The following ICA1L variants were observed in gnomAD, a reference collection of about 807,000 sequenced individuals.
ICA1L encodes islet cell autoantigen 1-like protein.
A neutral mutation model predicts 61.3 loss-of-function variants in ICA1L; 50 were observed. That is an observed-to-expected ratio of 0.82 (90% CI 0.65 to 1.03). ICA1L has a LOEUF of 1.03. ICA1L is among the 50% of genes least tolerant of loss of function. ICA1L has a pLI of 0.00. For synonymous variants in ICA1L, 161 were observed against 191.3 expected (o/e 0.84, Z 1.31); for missense variants, 508 against 556.7 (o/e 0.91, Z 0.88).
chr2:202,823,705 C>G (rs1693759030), intron 3 of ICA1L, among the ~76,000 whole-genome samples: 1 of 152,134 alleles, frequency 6.6e-6, no homozygotes, highest in African/African-American at 2.4e-5. Context: ...TCTATAAATC[C>G]TTTAAGTTTT....
intron 1 of ICA1L, among the ~76,000 whole-genome samples, chr2:202,859,758 T>C (rs960401817): frequency 3.3e-5 from 5 of 152,176 alleles, no homozygotes; most frequent in African/African-American, 1.2e-4. Context: ...TTTAAGATAT[T>C]TTAAAGTTCC....
chr2:202,831,737 CAAAGGGAG>C (rs1433754578), intron 1 of ICA1L, among the ~76,000 whole-genome samples: 1 of 152,102 alleles, frequency 6.6e-6, no homozygotes, highest in East Asian at 1.9e-4. Flanking sequence ...CGTTCCCTGG[CAAAGGGAG>C]AAAGTGACTG....
intron 1 of ICA1L, among the ~76,000 whole-genome samples, chr2:202,864,627 A>ATGTGTGTGTGTGTGTGTGTGTG (rs566451955): frequency 1.3e-4 from 19 of 150,394 alleles, no homozygotes; most frequent in Non-Finnish European, 2.1e-4. Flanking sequence ...GTATATATAT[A>ATGTGTGTGTGTGTGTGTGTGTG]TGTGTGTGTG....
Position 202,779,514 on chromosome 2 carries a change from A to C in ICA1L, c.*19T>G, listed in dbSNP as rs768808203. 3 of 1,448,828 alleles carry C rather than the reference A, an allele frequency of 2.1e-6. No individual in the cohort carries two copies. The highest frequency in any genetic ancestry group is 1.9e-6 in the Non-Finnish European group (2 of 1,035,592). 89.7% of individuals were successfully genotyped at this position (1,448,828 alleles called of 1,614,324 possible). On this transcript the variant is annotated 3_prime_UTR_variant, in exon 13 of 13. Transcript: ENST00000358299. ...AAAATTGATGTCTCAAGGCCACTGA[A>C]GTGACATTATAACTTCAGTCAAGCA... is the stretch of plus-strand genomic sequence containing the variant.
chr2:202,793,494 TAAAAAAAA>T (rs755015399), intron 10 of ICA1L, among the ~76,000 whole-genome samples: 62 of 31,334 alleles, frequency 2.0e-3, no homozygotes, highest in Non-Finnish European at 1.1e-3. Context: ...CCGTCTCTAC[TAAAAAAAA>T]AAAAAAAAAA....
chr2:202,862,272 C>CCAAAAAAA lies in ICA1L; in HGVS notation c.-8+9346_-8+9347insTTTTTTTG, dbSNP rs1462555700. ...GCAACACAGTAAGACCTCATTTCTA[C>CCAAAAAAA]AAAAAAAAAAAAAAAAAAAAAAAAA... On this transcript the variant is annotated intron_variant, in intron 1 of 12. Transcript: ENST00000358299. 8.1e-4 allele frequency among the ~76,000 whole-genome samples: 51 copies of CCAAAAAAA among 62,972 alleles called. 19 individuals are homozygous for CCAAAAAAA. The highest frequency in any genetic ancestry group is 3.6e-3 in the South Asian group (6 of 1,662). The allele number at this position is 62,972 out of a possible 152,430, so 41.3% of individuals were successfully genotyped here.
intron 9 of ICA1L, among the ~76,000 whole-genome samples, chr2:202,806,420 G>A (rs1301882967): frequency 1.3e-5 from 2 of 152,046 alleles, no homozygotes; most frequent in African/African-American, 2.4e-5. Flanking sequence ...TTCCGAAGGC[G>A]GATTGCTTTG....
chr2:202,819,905 G>A lies in ICA1L; in HGVS notation c.360-6C>T. The A allele has an allele frequency of 6.2e-7, 1 of 1,610,788 alleles. No homozygotes were observed. ...GAGGAGTACACAGGGCCAATCTAATGGCAGAGAGGTAAAAATCAGAGGGTT... is the reference window on the plus strand; with the variant it reads ...GAGGAGTACACAGGGCCAATCTAATAGCAGAGAGGTAAAAATCAGAGGGTT... On this transcript the variant is annotated splice_region_variant and splice_polypyrimidine_tract_variant and intron_variant, in intron 4 of 12. Transcript: ENST00000358299.
intron 2 of ICA1L, among the ~76,000 whole-genome samples, chr2:202,827,124 T>G (rs558275526): frequency 1.3e-5 from 2 of 152,312 alleles, no homozygotes; most frequent in East Asian, 3.9e-4. Context: ...CTGGGCGCGG[T>G]GGCTCATGCC....
intron 1 of ICA1L, among the ~76,000 whole-genome samples, chr2:202,836,824 G>GATATAGATATAGATATATATAGAT (rs1420855815): frequency 1.1e-3 from 168 of 148,946 alleles, no homozygotes; most frequent in African/African-American, 3.7e-3. Flanking sequence ...TAGATATATA[G>GATATAGATATAGATATATATAGAT]ATATAGATAC....
In ICA1L at chr2:202,785,992, T is replaced by G. The variant is rs1425397181; in HGVS notation, c.1259A>C (p.Glu420Ala). The change falls in exon 12 of 13, where the codon GAG becomes GCG. Residue 420 changes from glutamate (E) to alanine (A), a missense_variant. Coordinates refer to ENST00000358299, the MANE Select transcript of ICA1L (RefSeq NM_001288622.3). Reference sequence around the variant, plus strand: ...GTGTGAAAGACAAAGTTCTGATTCCTCTTGGGAGACCCAGTCTGGGATAAA... The same window carrying G: ...GTGTGAAAGACAAAGTTCTGATTCCGCTTGGGAGACCCAGTCTGGGATAAA... ...AGAFNNWVSQ[E>A]ESELCLSHTD... 8 of 1,605,234 alleles carry G rather than the reference T, an allele frequency of 5.0e-6. No homozygotes were observed. Among genetic ancestry groups the G allele is most frequent in the Non-Finnish European group, 6.8e-6 (8 of 1,173,094 alleles).
chr2:202,809,093 CAGAG>C (rs1365187719), intron 9 of ICA1L, among the ~76,000 whole-genome samples: 1 of 151,982 alleles, frequency 6.6e-6, no homozygotes, highest in Non-Finnish European at 1.5e-5. Context: ...TGTGACCTTT[CAGAG>C]AGAGAATTCA....
chr2:202,811,434 C>T (rs926446767), intron 9 of ICA1L, among the ~76,000 whole-genome samples: 2 of 151,778 alleles, frequency 1.3e-5, no homozygotes, highest in African/African-American at 2.4e-5. Flanking sequence ...GTGGGCGGAT[C>T]GGATCACAAG....
At chr2:202,844,561 G>A (rs1052176952) in intron 1 of ICA1L, 3 of 152,174 alleles carry the variant, frequency 2.0e-5, no homozygotes, top group African/African-American at 7.2e-5. Context: ...AAGCCAGTCA[G>A]AGGTAACTGA....
intron 11 of ICA1L, among the ~76,000 whole-genome samples, chr2:202,787,171 ACTGT>A (rs1346677670): frequency 6.6e-6 from 1 of 152,170 alleles, no homozygotes. Context: ...AGCTATTTAA[ACTGT>A]CTGATGACCT....
chr2:202,835,624 G>A (rs1468088460), intron 1 of ICA1L, among the ~76,000 whole-genome samples: 1 of 149,518 alleles, frequency 6.7e-6, no homozygotes, highest in Admixed American at 6.7e-5. Flanking sequence ...ATGGCTCACT[G>A]TAACCTCAAA....
At chr2:202,852,017 C>G (rs1378193520) in intron 1 of ICA1L, among the ~76,000 whole-genome samples, 2 of 152,158 alleles carry the variant, frequency 1.3e-5, no homozygotes, top group African/African-American at 4.8e-5. Flanking sequence ...TTAATTAGAT[C>G]CCATTTGTCA....
At chr2:202,798,125 G>T (rs1692985355) in intron 9 of ICA1L, among the ~76,000 whole-genome samples, 1 of 152,158 alleles carries the variant, frequency 6.6e-6, no homozygotes, top group African/African-American at 2.4e-5. Flanking sequence ...TTTGAAGGCT[G>T]AATAGTATTC....
intron 1 of ICA1L, among the ~76,000 whole-genome samples, chr2:202,838,699 AGT>A (rs1403603757): frequency 6.6e-6 from 1 of 152,122 alleles, no homozygotes; most frequent in East Asian, 1.9e-4. Context: ...TTTTTGACAA[AGT>A]GTGTGTCAAT....
Sources: allele counts gnomAD v4.1 joint callset (sites outside exome capture counted in the v4.1 genomes callset), GRCh38; gene constraint gnomAD v4.1.1; transcripts MANE v1.5; gene names NCBI Gene and HGNC (gene_info 2026-07-23, HGNC 2026-07-21).